ZMYM4: variants seen among roughly 807,000 people sequenced by gnomAD.
ZMYM4 encodes the protein zinc finger MYM-type protein 4.
ZMYM4 carries 31 observed loss-of-function variants against 183.2 expected under a neutral mutation model. The observed-to-expected ratio is 0.17, with a 90% CI of 0.13 to 0.23. The LOEUF (loss-of-function observed/expected upper bound fraction) is 0.23. ZMYM4 is among the 10% of genes least tolerant of loss of function. The probability of loss-of-function intolerance (pLI) is 1.00; values close to 1 mark genes in which losing one functional copy is unlikely to be tolerated. For synonymous variants in ZMYM4, 592 were observed against 631.2 expected (o/e 0.94, Z 0.93); for missense variants, 1,273 against 1,840.3 (o/e 0.69, Z 5.64).
intron 7 of ZMYM4, among the ~76,000 whole-genome samples, chr1:35,376,095 C>T (rs1251205303): frequency 6.6e-6 from 1 of 151,668 alleles, no homozygotes; most frequent in African/African-American, 2.4e-5. Flanking sequence ...AAAAAAATCT[C>T]ATATTTTGCA....
At chr1:35,317,997 C>G (rs193058753) in intron 1 of ZMYM4, among the ~76,000 whole-genome samples, 4 of 149,092 alleles carry the variant, frequency 2.7e-5, no homozygotes, top group Middle Eastern at 3.5e-3. Context: ...TCAAAAGATT[C>G]AAAGAGCAAA....
At chr1:35,376,670 C>T (rs1280398796) in intron 7 of ZMYM4, among the ~76,000 whole-genome samples, 1 of 151,862 alleles carries the variant, frequency 6.6e-6, no homozygotes, top group Non-Finnish European at 1.5e-5. Context: ...ACTACAGGCA[C>T]ACGCCACCAT....
chr1:35,283,326 C>CTTTTTTTTTTTTT (rs201360397), intron 1 of ZMYM4, among the ~76,000 whole-genome samples: 2 of 56,770 alleles, frequency 3.5e-5, no homozygotes, highest in African/African-American at 1.9e-4. Flanking sequence ...GAAGTGGTAT[C>CTTTTTTTTTTTTT]TTTTTTTTTT....
At chr1:35,380,825 T>C (rs1644441691) in intron 7 of ZMYM4, among the ~76,000 whole-genome samples, 1 of 152,202 alleles carries the variant, frequency 6.6e-6, no homozygotes, top group Non-Finnish European at 1.5e-5. Flanking sequence ...TGTGCTAGAA[T>C]ATGCACTGTG....
intron 26 of ZMYM4, among the ~76,000 whole-genome samples, chr1:35,410,449 CAAAT>C (rs1639836312): frequency 6.7e-6 from 1 of 149,860 alleles, no homozygotes. Context: ...CTTTGAATGA[CAAAT>C]ATATATTTAT....
chr1:35,309,530 T>C (rs990100904), intron 1 of ZMYM4, among the ~76,000 whole-genome samples: 3 of 152,226 alleles, frequency 2.0e-5, no homozygotes, highest in Non-Finnish European at 1.5e-5. Context: ...TTATATATTC[T>C]GAAAGGGGAG....
At position 35,383,366 on chromosome 1, in the gene ZMYM4, A is replaced by G. The variant is rs543821665; in HGVS notation, c.1569+1608A>G. Among the ~76,000 whole-genome samples the G allele has an allele frequency of 4.1e-4, 62 of 152,284 alleles. 1 individual carries two copies. Among genetic ancestry groups the G allele is most frequent in the African/African-American group, 1.4e-3 (59 of 41,584 alleles). The stretch of plus-strand genomic sequence containing the variant: ...TGCTAATCATTCTTTTCCTTAGAAT[A>G]GTAAGTTTTTGTACAGTTTACCAAA... On this transcript the variant is annotated intron_variant, in intron 9 of 29. Transcript: ENST00000314607.
At chr1:35,308,255 G>C (rs1175745900) in intron 1 of ZMYM4, among the ~76,000 whole-genome samples, 1 of 152,050 alleles carries the variant, frequency 6.6e-6, no homozygotes, top group Admixed American at 6.6e-5. Context: ...GCCTCCCAAA[G>C]TGCTGGGATT....
intron 1 of ZMYM4, among the ~76,000 whole-genome samples, chr1:35,292,024 A>G (rs1640787104): frequency 6.6e-6 from 1 of 152,216 alleles, no homozygotes; most frequent in Admixed American, 6.5e-5. Flanking sequence ...AGTAAAGACT[A>G]TTCTAAAGTT....
chr1:35,414,209 G>A, intron 27 of ZMYM4, 126 bp downstream of exon 27: 2 of 632,216 alleles, frequency 3.2e-6, no homozygotes, highest in South Asian at 4.0e-5. Flanking sequence ...TTGGACTTCT[G>A]AGGAGACGGT....
At position 35,359,243 on chromosome 1, in the gene ZMYM4, A is replaced by G. The variant is rs372714175; in HGVS notation, c.404A>G (p.Lys135Arg). ...ENEIQIQNKL[K>R]KDFPKQFDQV... ...GAAATACAAATTCAAAATAAGTTAA[A>G]AAAAGACTTTCCTAAACAATTTGAT... is the stretch of plus-strand genomic sequence containing the variant. The change falls in exon 3 of 30, where the codon AAA (lysine) becomes AGA (arginine). Residue 135 changes from lysine to arginine, a missense_variant. Coordinates refer to ENST00000314607, the MANE Select transcript of ZMYM4 (RefSeq NM_005095.3). 17 of 1,609,930 alleles carry G rather than the reference A, an allele frequency of 1.1e-5. No homozygotes were observed. The highest frequency in any genetic ancestry group is 1.4e-5 in the Non-Finnish European group (16 of 1,178,460).
intron 2 of ZMYM4, among the ~76,000 whole-genome samples, chr1:35,352,273 A>G (rs984936465): frequency 0.19 from 1,329 of 6,904 alleles, 17 homozygotes; most frequent in Non-Finnish European, 0.35. Flanking sequence ...GCGCGCGCAC[A>G]CACACACACA....
chr1:35,355,554 GA>G (rs999553050), intron 2 of ZMYM4, among the ~76,000 whole-genome samples: 5 of 151,908 alleles, frequency 3.3e-5, no homozygotes, highest in African/African-American at 1.2e-4. Flanking sequence ...ATCTTTTAAG[GA>G]AATTACCCTT....
chr1:35,351,136 G>A (rs192156097), intron 2 of ZMYM4: 80 of 1,051,874 alleles, frequency 7.6e-5, no homozygotes, highest in African/African-American at 5.8e-4. Flanking sequence ...GGTCAGCCAC[G>A]TGCCTTTACC....
chr1:35,298,657 GAGC>G (rs148019562), intron 1 of ZMYM4, among the ~76,000 whole-genome samples: 4,909 of 152,202 alleles, frequency 0.032, 119 homozygotes, highest in Middle Eastern at 0.058. Flanking sequence ...ACCTCCACTG[GAGC>G]AAGCCGGCTA....
rs1644457517 is a variant in ZMYM4 at position 35,381,488 on chromosome 1, G to A, written c.1356+55G>A. 3 of 1,609,292 alleles carry A rather than the reference G, an allele frequency of 1.9e-6. No homozygotes were observed. The African/African-American group carries it at 4.0e-5, about 22-fold the overall frequency. On this transcript the variant is annotated intron_variant, in intron 8 of 29. Coordinates refer to ENST00000314607, the MANE Select transcript of ZMYM4 (RefSeq NM_005095.3). The stretch of plus-strand genomic sequence containing the variant: ...GGAGTCTAATACGTTTGTGCTTAAA[G>A]AACAGCTTTTGATGCTCTCTGCTCC...
chr1:35,395,256 G>C (rs1193355759), intron 18 of ZMYM4, among the ~76,000 whole-genome samples: 1 of 148,196 alleles, frequency 6.7e-6, no homozygotes, highest in Non-Finnish European at 1.5e-5. Flanking sequence ...TTGGTTATCA[G>C]ATGTTTCTAA....
intron 1 of ZMYM4, among the ~76,000 whole-genome samples, chr1:35,308,694 C>T (rs1048977724): frequency 1.6e-4 from 25 of 152,126 alleles, no homozygotes; most frequent in African/African-American, 6.0e-4. Context: ...AACCCTGTCT[C>T]TACCAAAAAT....
At chr1:35,302,039 C>G (rs925651297) in intron 1 of ZMYM4, among the ~76,000 whole-genome samples, 12 of 149,084 alleles carry the variant, frequency 8.0e-5, no homozygotes, top group African/African-American at 2.9e-4. Flanking sequence ...TAAATCCACT[C>G]TCTGTTACTT....
Sources: allele counts gnomAD v4.1 joint callset (sites outside exome capture counted in the v4.1 genomes callset), GRCh38; gene constraint gnomAD v4.1.1; transcripts MANE v1.5; gene names NCBI Gene and HGNC (gene_info 2026-07-23, HGNC 2026-07-21).